SPOCD1: variants seen among roughly 807,000 people sequenced by gnomAD.
The protein encoded by SPOCD1 is SPOC domain containing 1.
In SPOCD1, 64 loss-of-function variants were observed where a neutral mutation model predicts 92.2. That is an observed-to-expected ratio of 0.69 (90% CI 0.57 to 0.86). The LOEUF (loss-of-function observed/expected upper bound fraction) is 0.86, where lower values mean the gene tolerates loss of function less well. Ranked by LOEUF, SPOCD1 falls within the 40% of genes least tolerant of loss-of-function variation. SPOCD1 has a pLI of 0.00. For missense variants in SPOCD1, 1,360 were observed against 1,543.1 expected (o/e 0.88, Z 1.99); for synonymous variants, 578 against 619.3 (o/e 0.93, Z 0.99).
Position 31,790,639 on chromosome 1 carries a change from T to A in SPOCD1, c.3615A>T (p.Glu1205Asp). The change falls in exon 16 of 16, where the codon GAA (glutamate) becomes GAT (aspartate). Residue 1205 changes from glutamate to aspartate, a missense_variant. Glu to Asp is a conservative substitution (Grantham distance 45). Transcript: ENST00000360482. ...TAGGGAAGGGACACTCAGAGCCAGC[T>A]TCATCTGTAGGCCCCAAAGAGGAGT... ...ARDSSLGPTD[E>D]AGSECPFPRK... The A allele has an allele frequency of 6.4e-7, 1 of 1,551,890 alleles. No individual in the cohort carries two copies. The highest frequency in any genetic ancestry group is 8.7e-7 in the Non-Finnish European group (1 of 1,147,072).
intron 15 of SPOCD1, among the ~76,000 whole-genome samples, chr1:31,791,840 C>T (rs1647615845): frequency 6.6e-6 from 1 of 152,206 alleles, no homozygotes; most frequent in Non-Finnish European, 1.5e-5. Flanking sequence ...CCATGTTGTG[C>T]TTCACACAAC....
intron 10 of SPOCD1, 53 bp downstream of exon 10, chr1:31,796,537 T>C (rs930787220): frequency 9.3e-6 from 15 of 1,614,016 alleles, no homozygotes; most frequent in African/African-American, 1.3e-5. Context: ...AGGCGAGGCG[T>C]GGGACCCCCA....
At position 31,814,339 on chromosome 1, in the gene SPOCD1, GC is replaced by G; in HGVS notation, c.994del (p.Ala332ArgfsTer94). ...PPQSAALCLG[A>X]SAQASAEQQE... ...CTGCTCTGCAGAGGCCTGTGCTGAC[GC>G]CCCCAGGCACAGTGCTGCGCTCTGT... On this transcript the variant is annotated frameshift_variant, in exon 2 of 16. Coordinates refer to ENST00000360482, the MANE Select transcript of SPOCD1 (RefSeq NM_144569.7). LOFTEE classifies it high-confidence loss of function. This position sits in a 1 kb window ranked among gnomAD's most constrained non-coding sequence, Gnocchi z 4.2. 4 of 1,579,366 alleles carry G rather than the reference GC, an allele frequency of 2.5e-6. No individual in the cohort carries two copies. The highest frequency in any genetic ancestry group is 1.8e-5 in the Admixed American group (1 of 56,276).
chr1:31,814,212 TC>T lies in SPOCD1; in HGVS notation c.1121del (p.Gly374GlufsTer52). The T allele has an allele frequency of 1.9e-6, 3 of 1,578,048 alleles. No individual in the cohort carries two copies. The highest frequency in any genetic ancestry group is 2.6e-6 in the Non-Finnish European group (3 of 1,161,042). On this transcript the variant is annotated frameshift_variant, in exon 2 of 16. Coordinates refer to ENST00000360482, the MANE Select transcript of SPOCD1 (RefSeq NM_144569.7). LOFTEE classifies it high-confidence loss of function. This position sits in a 1 kb window ranked among gnomAD's most constrained non-coding sequence, Gnocchi z 4.2. ...LEAKAQPASR[G>X]RLEQGLAAPA... ...GGGCAGCGAGTCCTTGCTCCAGCCT[TC>T]CCCTGGAAGCTGGCTGAGCCTTGGC...
In SPOCD1 at chr1:31,796,795, C is replaced by A. The variant is rs1399267276; in HGVS notation, c.2146-80G>T. 3.1e-6 allele frequency: 5 copies of A among 1,590,200 alleles called. No homozygotes were observed. The Middle Eastern group carries it at 7.6e-4, about 240-fold the overall frequency. On this transcript the variant is annotated intron_variant, in intron 9 of 15. Coordinates refer to ENST00000360482, the MANE Select transcript of SPOCD1 (RefSeq NM_144569.7). ...AAAGCCCAAGTGCTCACTTTCCTCCCTTGAGGCCCCTCTCTTGTGGTTCCC... is the reference window on the plus strand; with the variant it reads ...AAAGCCCAAGTGCTCACTTTCCTCCATTGAGGCCCCTCTCTTGTGGTTCCC...
chr1:31,796,076 C>CGTATCATTAAAAA, intron 10 of SPOCD1: 12 of 213,400 alleles, frequency 5.6e-5, no homozygotes, highest in South Asian at 3.6e-4. Context: ...TCCTCAGCGC[C>CGTATCATTAAAAA]AAGAGCCCTA....
intron 2 of SPOCD1, among the ~76,000 whole-genome samples, chr1:31,805,119 C>T (rs1648735536): frequency 6.6e-6 from 1 of 151,524 alleles, no homozygotes; most frequent in South Asian, 2.1e-4. Context: ...GTAGCTGGGA[C>T]TACAGGCGCC....
chr1:31,792,820 GT>G lies in SPOCD1; in HGVS notation c.2686-54del, dbSNP rs1005649820. Reference sequence around the variant, plus strand: ...CTCCCCAGCTTCCCACCCACTCAGGGTGGACGCATTCCCAGCCACCTGGAAG... The same window carrying G: ...CTCCCCAGCTTCCCACCCACTCAGGGGGACGCATTCCCAGCCACCTGGAAG... On this transcript the variant is annotated intron_variant, in intron 13 of 15. Coordinates refer to ENST00000360482, the MANE Select transcript of SPOCD1 (RefSeq NM_144569.7). The G allele has an allele frequency of 3.5e-6, 5 of 1,410,854 alleles. No individual in the cohort carries two copies. In the African/African-American group the frequency reaches 7.1e-5, roughly 20 times the overall value. 87.4% of individuals were successfully genotyped at this position (1,410,854 alleles called of 1,614,324 possible).
chr1:31,808,330 CTT>C (rs1430617814), intron 2 of SPOCD1, among the ~76,000 whole-genome samples: 8 of 150,674 alleles, frequency 5.3e-5, no homozygotes, highest in Non-Finnish European at 1.0e-4. Context: ...TTTTAAAAAA[CTT>C]AATATTTAAA....
In SPOCD1 at chr1:31,814,076, TG is replaced by T; in HGVS notation, c.1257del (p.Lys420ArgfsTer6). 6.2e-7 allele frequency: 1 copy of T among 1,613,774 alleles called. No homozygotes were observed. The highest frequency in any genetic ancestry group is 8.5e-7 in the Non-Finnish European group (1 of 1,179,804). On this transcript the variant is annotated frameshift_variant, in exon 2 of 16. Coordinates refer to ENST00000360482, the MANE Select transcript of SPOCD1 (RefSeq NM_144569.7). LOFTEE classifies it high-confidence loss of function. This position sits in a 1 kb window ranked among gnomAD's most constrained non-coding sequence, Gnocchi z 4.2. ...CSGPFMEQRR[S>X]KGTKNLKKGP... ...CCTTTCTTCAGGTTCTTAGTGCCCT[TG>T]GATCTTCTCTGCTCCATGAATGGGC...
In SPOCD1 at chr1:31,798,124, C is replaced by G; in HGVS notation, c.2145+83G>C. The G allele has an allele frequency of 9.8e-7, 1 of 1,019,418 alleles. No homozygotes were observed. Among genetic ancestry groups the G allele is most frequent in the Non-Finnish European group, 1.6e-6 (1 of 642,254 alleles). The allele number at this position is 1,019,418 out of a possible 1,614,324, so 63.1% of individuals were successfully genotyped here. A position where few individuals can be genotyped will look rare whatever the true frequency, so the allele number is the denominator to read the frequency against. On this transcript the variant is annotated intron_variant, in intron 9 of 15. Coordinates refer to ENST00000360482, the MANE Select transcript of SPOCD1 (RefSeq NM_144569.7). The surrounding 1 kb of genome is among the most constrained non-coding windows in gnomAD (Gnocchi z 4.1). The stretch of plus-strand genomic sequence containing the variant: ...GAATTCCTCCTCCCTCCCTCCCTGT[C>G]TCTGTCTCTCCCTCTTCCACTCTCA...
At chr1:31,808,612 A>G (rs1351947325) in intron 2 of SPOCD1, among the ~76,000 whole-genome samples, 1 of 152,076 alleles carries the variant, frequency 6.6e-6, no homozygotes, top group Non-Finnish European at 1.5e-5. Flanking sequence ...CGATGACCAC[A>G]TTTCCTTTAA....
At chr1:31,797,679 A>C (rs1648120332) in intron 9 of SPOCD1, among the ~76,000 whole-genome samples, 1 of 152,166 alleles carries the variant, frequency 6.6e-6, no homozygotes. Flanking sequence ...CCACCAACAA[A>C]CATGAGGTGA....
At chr1:31,812,335 C>T (rs1289970585) in intron 2 of SPOCD1, among the ~76,000 whole-genome samples, 2 of 152,150 alleles carry the variant, frequency 1.3e-5, no homozygotes, top group African/African-American at 4.8e-5. Flanking sequence ...AGAGGAAGTC[C>T]CAGCCCTCAT....
Position 31,791,254 on chromosome 1 carries a change from T to C in SPOCD1, c.3000A>G (p.Pro1000=), listed in dbSNP as rs766106776. 6.4e-6 allele frequency: 10 copies of C among 1,564,170 alleles called. No homozygotes were observed. The highest frequency in any genetic ancestry group is 7.8e-6 in the Non-Finnish European group (9 of 1,153,810). The part of the protein sequence containing the change: ...WALPVSPLLS[P]GLEVTHSSLL... ...GACTTGAGTGAGTGACCTCCAGACC[T>C]GGGGAAAGGAGAGGGGAGACAGGAA... Residue 1000 remains proline (P), a synonymous_variant, in exon 16 of 16, where the codon CCA becomes CCG. Transcript: ENST00000360482.
intron 3 of SPOCD1, among the ~76,000 whole-genome samples, chr1:31,801,342 G>C (rs1648451758): frequency 6.6e-6 from 1 of 152,138 alleles, no homozygotes; most frequent in African/African-American, 2.4e-5. Flanking sequence ...CTCTTTTCTT[G>C]CTTTCTTTAG....
intron 2 of SPOCD1, among the ~76,000 whole-genome samples, chr1:31,804,186 A>G (rs1178277452): frequency 6.6e-6 from 1 of 152,222 alleles, no homozygotes; most frequent in Non-Finnish European, 1.5e-5. Flanking sequence ...TGCTTTACAT[A>G]TTAGTTAATT....
At chr1:31,793,140 ATGCCC>A (rs1647725633) in intron 13 of SPOCD1, 133 bp downstream of exon 13, 2 of 1,102,872 alleles carry the variant, frequency 1.8e-6, no homozygotes, top group Non-Finnish European at 2.6e-6. Context: ...ATTTGCCCCC[ATGCCC>A]TGCACAGGGC....
rs766223074 is a variant in SPOCD1 at position 31,798,632 on chromosome 1, G to A, written c.1869-31C>T. 5.0e-6 allele frequency: 8 copies of A among 1,601,908 alleles called. No individual in the cohort carries two copies. The South Asian group carries it at 6.7e-5, about 13-fold the overall frequency. On this transcript the variant is annotated intron_variant, in intron 7 of 15. Transcript: ENST00000360482. This position sits in a 1 kb window ranked among gnomAD's most constrained non-coding sequence, Gnocchi z 4.1. The stretch of plus-strand genomic sequence containing the variant: ...GAGGCCAGGGCAGGGCGGGGGCACT[G>A]AGCCCAGGAGGCTCTCCAGGCACTT...
Sources: allele counts gnomAD v4.1 joint callset (sites outside exome capture counted in the v4.1 genomes callset), GRCh38; gene constraint gnomAD v4.1.1; non-coding constraint Gnocchi (gnomAD v3.1); transcripts MANE v1.5; gene names NCBI Gene and HGNC (gene_info 2026-07-23, HGNC 2026-07-21).